The following C9 variants were observed in gnomAD, a reference collection of about 807,000 sequenced individuals.
The protein encoded by C9 is complement component C9.
In C9, 63 loss-of-function variants were observed where a neutral mutation model predicts 65.4. That is an observed-to-expected ratio of 0.96 (90% CI 0.79 to 1.19). The LOEUF (loss-of-function observed/expected upper bound fraction) is 1.19, where lower values mean the gene tolerates loss of function less well. C9 is among the 50% of genes most tolerant of loss of function. C9 has a pLI of 0.00. For synonymous variants in C9, 229 were observed against 227.9 expected (o/e 1.00, Z -0.04); for missense variants, 744 against 670.1 (o/e 1.11, Z -1.22).
chr5:39,296,981 A>G (rs1013079643), intron 9 of C9, among the ~76,000 whole-genome samples: 3 of 151,538 alleles, frequency 2.0e-5, no homozygotes, highest in African/African-American at 7.2e-5. Flanking sequence ...TGACAAAACC[A>G]CAGCCAACAT....
At chr5:39,358,942 G>C (rs762286858) in intron 1 of C9, among the ~76,000 whole-genome samples, 1 of 150,722 alleles carries the variant, frequency 6.6e-6, no homozygotes, top group African/African-American at 2.4e-5. Context: ...CCGAGATCGC[G>C]CCACTGCACT....
At chr5:39,326,949 C>G (rs944840288) in intron 5 of C9, among the ~76,000 whole-genome samples, 1 of 152,050 alleles carries the variant, frequency 6.6e-6, no homozygotes, top group African/African-American at 2.4e-5. Context: ...ATTTTTTATT[C>G]ATTCAATAGG....
intron 9 of C9, among the ~76,000 whole-genome samples, chr5:39,294,224 G>A (rs1041915831): frequency 4.0e-5 from 6 of 151,612 alleles, no homozygotes; most frequent in Non-Finnish European, 4.4e-5. Context: ...AGAAATAAAC[G>A]AAATTGAGAC....
In C9 at chr5:39,359,017, A is replaced by T. The variant is rs868393939; in HGVS notation, c.77+5371T>A. ...TAAATAAATAAATAAATAAATAAAAAATATATATATATATATATATGTGTG... is the reference window on the plus strand; with the variant it reads ...TAAATAAATAAATAAATAAATAAAATATATATATATATATATATATGTGTG... On this transcript the variant is annotated intron_variant, in intron 1 of 10. Transcript: ENST00000263408. Among the ~76,000 whole-genome samples, 405 of 130,718 alleles carry T rather than the reference A, an allele frequency of 3.1e-3. 1 individual carries two copies. Among genetic ancestry groups the T allele is most frequent in the African/African-American group, 0.012 (388 of 33,126 alleles). 85.8% of individuals were successfully genotyped at this position (130,718 alleles called of 152,430 possible). A position where few individuals can be genotyped will look rare whatever the true frequency, so the allele number is the denominator to read the frequency against.
At chr5:39,351,095 C>G (rs1352372450) in intron 1 of C9, among the ~76,000 whole-genome samples, 1 of 152,202 alleles carries the variant, frequency 6.6e-6, no homozygotes, top group African/African-American at 2.4e-5. Context: ...CATGTGGAAG[C>G]CACCAAGGCT....
intron 1 of C9, among the ~76,000 whole-genome samples, chr5:39,361,036 GAATT>G (rs1754507933): frequency 6.6e-6 from 1 of 151,014 alleles, no homozygotes; most frequent in Non-Finnish European, 1.5e-5. Flanking sequence ...TCATCAGTAA[GAATT>G]AATCAGCTAT....
At chr5:39,319,277 C>A (rs1753626226) in intron 5 of C9, among the ~76,000 whole-genome samples, 1 of 152,186 alleles carries the variant, frequency 6.6e-6, no homozygotes, top group South Asian at 2.1e-4. Context: ...TTTATAATTA[C>A]TTATTAAATA....
intron 10 of C9, among the ~76,000 whole-genome samples, chr5:39,288,339 A>G (rs1277104332): frequency 6.6e-6 from 1 of 151,810 alleles, no homozygotes; most frequent in Non-Finnish European, 1.5e-5. Context: ...TTTAAAGTAT[A>G]TATGTCTACG....
At chr5:39,359,086 A>ATG (rs1561357781) in intron 1 of C9, among the ~76,000 whole-genome samples, 5 of 66,518 alleles carry the variant, frequency 7.5e-5, no homozygotes, top group African/African-American at 2.6e-4. Flanking sequence ...GTGTATATAT[A>ATG]TATGTGTGTG....
chr5:39,346,950 G>A (rs1234805979), intron 1 of C9, among the ~76,000 whole-genome samples: 2 of 152,062 alleles, frequency 1.3e-5, no homozygotes, highest in African/African-American at 4.8e-5. Context: ...ATGCAGAAAA[G>A]GCCTTTGACA....
chr5:39,345,089 A>G (rs140521700), intron 1 of C9, among the ~76,000 whole-genome samples: 43,072 of 151,256 alleles, frequency 0.28, 6,996 homozygotes, highest in Non-Finnish European at 0.36. Flanking sequence ...AAAGATCATC[A>G]ATGCCAGGAA....
intron 1 of C9, among the ~76,000 whole-genome samples, chr5:39,354,231 C>G (rs1754375780): frequency 6.6e-6 from 1 of 152,206 alleles, no homozygotes; most frequent in Admixed American, 6.5e-5. Context: ...TTCCATAAAA[C>G]TACAGCCTCA....
At chr5:39,316,864 G>C (rs558125231) in intron 5 of C9, among the ~76,000 whole-genome samples, 1 of 152,258 alleles carries the variant, frequency 6.6e-6, no homozygotes, top group Non-Finnish European at 1.5e-5. Flanking sequence ...TATATACTCA[G>C]TATTGGGATT....
intron 1 of C9, among the ~76,000 whole-genome samples, chr5:39,351,098 C>G (rs903042812): frequency 1.3e-5 from 2 of 152,224 alleles, no homozygotes; most frequent in African/African-American, 4.8e-5. Flanking sequence ...GTGGAAGCCA[C>G]CAAGGCTTGG....
rs138401050 is a variant in C9 at position 39,286,345 on chromosome 5, T to C, written c.1646-1112A>G. Among the ~76,000 whole-genome samples the C allele has an allele frequency of 6.8e-3, 1,026 of 151,852 alleles. 2 individuals are homozygous for C. The highest frequency in any genetic ancestry group is 0.011 in the Non-Finnish European group (769 of 67,866). ...AAGCATAATATGCCATGAGAATGAATTGGTAGACTTAGCAGAGAATTGCAC... is the reference window on the plus strand; with the variant it reads ...AAGCATAATATGCCATGAGAATGAACTGGTAGACTTAGCAGAGAATTGCAC... On this transcript the variant is annotated intron_variant, in intron 10 of 10. Transcript: ENST00000263408.
chr5:39,313,773 G>T (rs1426181105), intron 6 of C9, among the ~76,000 whole-genome samples: 1 of 152,166 alleles, frequency 6.6e-6, no homozygotes, highest in Non-Finnish European at 1.5e-5. Flanking sequence ...ACAAGTCAAT[G>T]TATAGCTCAA....
chr5:39,311,957 T>C (rs925177517), intron 6 of C9, among the ~76,000 whole-genome samples: 2 of 152,194 alleles, frequency 1.3e-5, no homozygotes, highest in Non-Finnish European at 2.9e-5. Context: ...TATAATTCCA[T>C]TTATATGAAG....
At chr5:39,341,101 A>C (rs776323178) in intron 4 of C9, 45 bp downstream of exon 4, 2 of 1,602,154 alleles carry the variant, frequency 1.2e-6, no homozygotes, top group South Asian at 2.2e-5. Flanking sequence ...GATGGAGATC[A>C]TTTTCACTCA....
chr5:39,308,268 T>C lies in C9; in HGVS notation c.1202A>G (p.Asn401Ser). Residue 401 changes from asparagine to serine, a missense_variant, in exon 8 of 11, where the codon AAT becomes AGT. Physicochemically the swap from Asn to Ser is conservative, Grantham distance 46 (BLOSUM62 1). Transcript: ENST00000263408. ...TCCCCTCTTTACACAATCATCTTTA[T>C]TAAATTCAGCTCCAACAGAGATTTC... ...FSEISVGAEF[N>S]KDDCVKRGEG... 1 of 1,612,986 alleles carries C rather than the reference T, an allele frequency of 6.2e-7. No individual in the cohort carries two copies. The highest frequency in any genetic ancestry group is 8.5e-7 in the Non-Finnish European group (1 of 1,179,030).
Sources: allele counts gnomAD v4.1 joint callset (sites outside exome capture counted in the v4.1 genomes callset), GRCh38; gene constraint gnomAD v4.1.1; transcripts MANE v1.5; gene names NCBI Gene and HGNC (gene_info 2026-07-23, HGNC 2026-07-21).